WWOX: variants seen among roughly 807,000 people sequenced by gnomAD.
WWOX encodes the protein WW domain containing oxidoreductase.
Under a neutral mutation model 46.2 loss-of-function variants are expected in WWOX, and 69 were observed. That is an observed-to-expected ratio of 1.49 (90% CI 1.23 to 1.82). WWOX has a LOEUF of 1.82. Among genes scored for constraint, WWOX ranks in the 40% most tolerant of loss-of-function variants. WWOX has a pLI of 0.00. For synonymous variants in WWOX, 359 were observed against 202.6 expected (o/e 1.77, Z -6.56); for missense variants, 919 against 542.6 (o/e 1.69, Z -6.89).
intron 5 of WWOX, among the ~76,000 whole-genome samples, chr16:78,198,677 G>C (rs1296747386): frequency 6.6e-6 from 1 of 152,144 alleles, no homozygotes; most frequent in Non-Finnish European, 1.5e-5. Flanking sequence ...GCTGTTACGA[G>C]CATGGATTTA....
intron 8 of WWOX, among the ~76,000 whole-genome samples, chr16:78,702,179 C>T (rs980887967): frequency 1.4e-4 from 21 of 145,742 alleles, no homozygotes; most frequent in Non-Finnish European, 2.5e-4. Flanking sequence ...ACTCCGGAGG[C>T]CGAGGCAGGA....
At chr16:78,406,303 AATAT>A (rs532594425) in intron 6 of WWOX, among the ~76,000 whole-genome samples, 2,583 of 57,220 alleles carry the variant, frequency 0.045, 35 homozygotes, top group Non-Finnish European at 0.071. Context: ...TATAAATATA[AATAT>A]ATATATATAT....
intron 8 of WWOX, among the ~76,000 whole-genome samples, chr16:78,731,570 C>T (rs1413147223): frequency 6.6e-6 from 1 of 151,856 alleles, no homozygotes; most frequent in Non-Finnish European, 1.5e-5. Context: ...TTTATTTCCT[C>T]GTTTATTTGG....
At chr16:78,334,548 T>C (rs914456606) in intron 5 of WWOX, among the ~76,000 whole-genome samples, 1 of 152,122 alleles carries the variant, frequency 6.6e-6, no homozygotes, top group African/African-American at 2.4e-5. Flanking sequence ...TTTCCAGCCA[T>C]CATTCTGTTC....
intron 4 of WWOX, among the ~76,000 whole-genome samples, chr16:78,136,087 A>C (rs1395847496): frequency 6.6e-6 from 1 of 152,172 alleles, no homozygotes; most frequent in Non-Finnish European, 1.5e-5. Context: ...TTACTTCTAT[A>C]ATGAGTAGTA....
intron 8 of WWOX, among the ~76,000 whole-genome samples, chr16:78,878,600 C>G (rs1318932428): frequency 1.3e-5 from 2 of 152,042 alleles, no homozygotes; most frequent in Non-Finnish European, 2.9e-5. Flanking sequence ...ATGAGGATAT[C>G]ATGAGATAAT....
intron 8 of WWOX, among the ~76,000 whole-genome samples, chr16:78,778,150 C>A (rs2050237648): frequency 6.6e-6 from 1 of 152,052 alleles, no homozygotes; most frequent in Non-Finnish European, 1.5e-5. Context: ...ATGATCCCCA[C>A]CCCAAGTCAC....
At chr16:78,249,862 AGGG>A (rs1050313469) in intron 5 of WWOX, among the ~76,000 whole-genome samples, 6 of 151,928 alleles carry the variant, frequency 3.9e-5, no homozygotes, top group African/African-American at 1.5e-4. Context: ...GGGGCCTGGA[AGGG>A]GAGAAGGGGC....
intron 8 of WWOX, among the ~76,000 whole-genome samples, chr16:78,613,116 C>A (rs953768263): frequency 1.3e-5 from 2 of 152,122 alleles, no homozygotes; most frequent in Non-Finnish European, 2.9e-5. Context: ...TTGCATGGGG[C>A]CTTCCTGCTT....
At chr16:78,349,688 G>C (rs2081152547) in intron 5 of WWOX, among the ~76,000 whole-genome samples, 1 of 119,660 alleles carries the variant, frequency 8.4e-6, no homozygotes, top group African/African-American at 2.8e-5. Context: ...CGTTTCATCA[G>C]CCAGGTGAAA....
chr16:78,716,384 C>G (rs1364882815), intron 8 of WWOX, among the ~76,000 whole-genome samples: 1 of 152,100 alleles, frequency 6.6e-6, no homozygotes, highest in Non-Finnish European at 1.5e-5. Flanking sequence ...GAGTACATTG[C>G]TGTTCTAAGC....
intron 8 of WWOX, among the ~76,000 whole-genome samples, chr16:78,618,532 C>G (rs768996385): frequency 2.0e-5 from 3 of 152,104 alleles, no homozygotes; most frequent in African/African-American, 7.2e-5. Flanking sequence ...CATATAATGA[C>G]TTTATTTTAC....
At chr16:78,694,518 C>A (rs978756809) in intron 8 of WWOX, among the ~76,000 whole-genome samples, 5 of 152,114 alleles carry the variant, frequency 3.3e-5, no homozygotes, top group Admixed American at 2.6e-4. Flanking sequence ...AAATTCAGTG[C>A]AAACCCATAA....
intron 5 of WWOX, among the ~76,000 whole-genome samples, chr16:78,232,077 A>C (rs2037287637): frequency 6.6e-6 from 1 of 152,188 alleles, no homozygotes; most frequent in South Asian, 2.1e-4. Context: ...ATTTAAACAG[A>C]GAATATATAT....
At position 78,689,126 on chromosome 16, in the gene WWOX, C is replaced by A. The variant is rs1597447978; in HGVS notation, c.1056+256374C>A. On this transcript the variant is annotated intron_variant, in intron 8 of 8. Transcript: ENST00000566780. Reference sequence around the variant, plus strand: ...CAGACTAATACAGTCAGGGATGCTGCAGAACATCTCCAAACACACAGGACT... The same window carrying A: ...CAGACTAATACAGTCAGGGATGCTGAAGAACATCTCCAAACACACAGGACT... 2.6e-5 allele frequency among the ~76,000 whole-genome samples: 4 copies of A among 152,242 alleles called. No individual in the cohort carries two copies. The South Asian group carries it at 8.3e-4, about 32-fold the overall frequency.
At chr16:79,128,211 T>C (rs1170188293) in intron 8 of WWOX, among the ~76,000 whole-genome samples, 1 of 152,132 alleles carries the variant, frequency 6.6e-6, no homozygotes, top group Non-Finnish European at 1.5e-5. Context: ...AGCAAAAGCT[T>C]AATGTTGTTT....
intron 8 of WWOX, among the ~76,000 whole-genome samples, chr16:78,808,133 A>T (rs569610738): frequency 6.6e-6 from 1 of 152,232 alleles, no homozygotes; most frequent in African/African-American, 2.4e-5. Flanking sequence ...CCTGTAGTCA[A>T]CCCCACTCCT....
chr16:78,865,691 C>A (rs1302267265), intron 8 of WWOX, among the ~76,000 whole-genome samples: 1 of 152,036 alleles, frequency 6.6e-6, no homozygotes, highest in Non-Finnish European at 1.5e-5. Context: ...ACCAGCCTGG[C>A]CAACATGGTG....
At chr16:78,516,056 G>A (rs1185197829) in intron 8 of WWOX, among the ~76,000 whole-genome samples, 1 of 151,896 alleles carries the variant, frequency 6.6e-6, no homozygotes, top group African/African-American at 2.4e-5. Context: ...CAGATTAAGA[G>A]AGTAGCATGT....
Sources: allele counts gnomAD v4.1 joint callset (sites outside exome capture counted in the v4.1 genomes callset), GRCh38; gene constraint gnomAD v4.1.1; transcripts MANE v1.5; gene names NCBI Gene and HGNC (gene_info 2026-07-23, HGNC 2026-07-21).